Variants in ZFR2 observed in about 807,000 individuals in gnomAD.
ZFR2 encodes the protein zinc finger RNA binding protein 2.
ZFR2 carries 104 observed loss-of-function variants against 105.7 expected under a neutral mutation model. That is an observed-to-expected ratio of 0.98 (90% confidence interval 0.84 to 1.16). The LOEUF is 1.16. ZFR2 is among the 50% of genes most tolerant of loss of function. ZFR2 has a pLI of 0.00. For synonymous variants in ZFR2, 634 were observed against 597.7 expected (o/e 1.06, Z -0.89); for missense variants, 1,425 against 1,355.5 (o/e 1.05, Z -0.80).
At chr19:3,841,220 C>T (rs990382830) in intron 1 of ZFR2, among the ~76,000 whole-genome samples, 1 of 152,234 alleles carries the variant, frequency 6.6e-6, no homozygotes, top group Non-Finnish European at 1.5e-5. Flanking sequence ...AAGACCACCC[C>T]CTTCGCAAAC....
chr19:3,807,035 C>G, intron 18 of ZFR2, 137 bp downstream of exon 18: 3 of 673,152 alleles, frequency 4.5e-6, no homozygotes, highest in Non-Finnish European at 4.9e-6. Context: ...CTGCCACCCA[C>G]GGGCCGCCCT....
At chr19:3,845,584 G>T (rs1478851603) in intron 1 of ZFR2, among the ~76,000 whole-genome samples, 1 of 151,082 alleles carries the variant, frequency 6.6e-6, no homozygotes. Context: ...TTGAGCCCAG[G>T]AGTTTGAGGC....
chr19:3,825,211 C>A lies in ZFR2; in HGVS notation c.1213+19G>T. The A allele has an allele frequency of 6.7e-7, 1 of 1,494,864 alleles. No individual in the cohort carries two copies. Among genetic ancestry groups the A allele is most frequent in the Non-Finnish European group, 8.9e-7 (1 of 1,128,990 alleles). The allele number at this position is 1,494,864 out of a possible 1,614,324, so 92.6% of individuals were successfully genotyped here. ...CAGGGCTCTGGTGGGTACACGAACA[C>A]GCATACAGACACACGTACCCTCGCA... On this transcript the variant is annotated intron_variant, in intron 7 of 18. Transcript: ENST00000262961.
intron 16 of ZFR2, among the ~76,000 whole-genome samples, chr19:3,810,486 C>T (rs566548380): frequency 1.3e-5 from 2 of 152,258 alleles, no homozygotes; most frequent in Admixed American, 6.5e-5. Context: ...GCCACGAAGT[C>T]GGGCAGACAC....
At chr19:3,847,312 C>T (rs1038915250) in intron 1 of ZFR2, among the ~76,000 whole-genome samples, 2 of 152,008 alleles carry the variant, frequency 1.3e-5, no homozygotes, top group African/African-American at 2.4e-5. Flanking sequence ...TCGCTTAAGC[C>T]CAGGGGTTCT....
At chr19:3,844,300 A>G (rs542902792) in intron 1 of ZFR2, among the ~76,000 whole-genome samples, 1 of 152,282 alleles carries the variant, frequency 6.6e-6, no homozygotes, top group East Asian at 1.9e-4. Context: ...TAATGTTAAT[A>G]GAAATTTCTG....
intron 6 of ZFR2, 77 bp from the exon 7 acceptor site, chr19:3,825,484 C>T: frequency 6.7e-7 from 1 of 1,503,690 alleles, no homozygotes; most frequent in Non-Finnish European, 8.8e-7. Context: ...CAGGAAGGGC[C>T]TCCACGGGCG....
At chr19:3,851,104 G>T (rs116657233) in intron 1 of ZFR2, among the ~76,000 whole-genome samples, 1 of 152,050 alleles carries the variant, frequency 6.6e-6, no homozygotes, top group Non-Finnish European at 1.5e-5. Flanking sequence ...TCAGTCTGTG[G>T]TATTGTTAGG....
rs2037673724 is a variant in ZFR2, at chr19:3,804,087, G to C, written c.*1862C>G. ...CCAGGTAGCTCTACAAAGACATTCA[G>C]ACAGAGCCACATGCAGGCTGTCCTT... On this transcript the variant is annotated 3_prime_UTR_variant, in exon 19 of 19. Coordinates refer to ENST00000262961, the MANE Select transcript of ZFR2 (RefSeq NM_015174.2). The C allele has an allele frequency of 6.6e-6, 1 of 152,324 alleles. No individual in the cohort carries two copies. The highest frequency in any genetic ancestry group is 1.5e-5 in the Non-Finnish European group (1 of 68,156). The allele number at this position is 152,324 out of a possible 1,614,324, so 9.4% of individuals were successfully genotyped here. A position where few individuals can be genotyped will look rare whatever the true frequency, so the allele number is the denominator to read the frequency against.
intron 1 of ZFR2, among the ~76,000 whole-genome samples, chr19:3,842,627 C>CT (rs35716661): frequency 0.017 from 2,408 of 142,024 alleles, 23 homozygotes; most frequent in Middle Eastern, 0.029. Flanking sequence ...TTTCTTTTTT[C>CT]TTTTTTTTTT....
intron 3 of ZFR2, among the ~76,000 whole-genome samples, chr19:3,832,324 A>AT (rs2038026154): frequency 6.6e-6 from 1 of 151,002 alleles, no homozygotes; most frequent in African/African-American, 2.4e-5. Flanking sequence ...TATCATTATT[A>AT]TTATTTTTTT....
intron 1 of ZFR2, among the ~76,000 whole-genome samples, chr19:3,853,334 G>T (rs2038262004): frequency 6.6e-6 from 1 of 152,168 alleles, no homozygotes; most frequent in East Asian, 1.9e-4. Context: ...GAAAGCTGTG[G>T]CCTCCCGCCC....
intron 8 of ZFR2, 149 bp from the exon 9 acceptor site, chr19:3,822,349 C>T: frequency 7.4e-7 from 1 of 1,345,964 alleles, no homozygotes; most frequent in African/African-American, 1.4e-5. Context: ...GCTGTGTCAC[C>T]CAAGCTGGAG....
chr19:3,868,840 G>T (rs1341517114), intron 1 of ZFR2, 125 bp downstream of exon 1: 7 of 820,582 alleles, frequency 8.5e-6, no homozygotes, highest in Non-Finnish European at 9.9e-6. Context: ...CCTCAGGCCG[G>T]GGTTCCAGGT....
Position 3,840,568 on chromosome 19 carries a change from C to T in ZFR2, c.54-5585G>A, listed in dbSNP as rs371077313. Among the ~76,000 whole-genome samples, 385 of 152,074 alleles carry T rather than the reference C, an allele frequency of 2.5e-3. 2 individuals are homozygous for T. The highest frequency in any genetic ancestry group is 8.8e-3 in the African/African-American group (365 of 41,506). ...TTTTAGATATGAGGTCTTGCTCTGT[C>T]GCTCAGGCTGGAGTGTAGTGACGTG... On this transcript the variant is annotated intron_variant, in intron 1 of 18. Coordinates refer to ENST00000262961, the MANE Select transcript of ZFR2 (RefSeq NM_015174.2).
At chr19:3,845,953 T>C (rs2038180466) in intron 1 of ZFR2, among the ~76,000 whole-genome samples, 1 of 152,098 alleles carries the variant, frequency 6.6e-6, no homozygotes, top group Non-Finnish European at 1.5e-5. Flanking sequence ...ATGTCCATAA[T>C]ACACTGAAAT....
intron 1 of ZFR2, among the ~76,000 whole-genome samples, chr19:3,844,430 C>T (rs1370264121): frequency 2.0e-5 from 3 of 151,734 alleles, no homozygotes; most frequent in East Asian, 3.9e-4. Flanking sequence ...TGCAGTGGTG[C>T]GATCTCGGCT....
intron 5 of ZFR2, 84 bp downstream of exon 5, chr19:3,831,219 C>A: frequency 1.4e-6 from 2 of 1,429,528 alleles, no homozygotes; most frequent in Non-Finnish European, 1.8e-6. Context: ...CGACCCTGAC[C>A]ACCCCACCGG....
chr19:3,856,004 T>C (rs2038295440), intron 1 of ZFR2, among the ~76,000 whole-genome samples: 2 of 152,178 alleles, frequency 1.3e-5, no homozygotes, highest in Non-Finnish European at 1.5e-5. Context: ...TGGGGCCTCT[T>C]TGGCGCTGTG....
Sources: gnomAD v4.1 joint callset for allele counts (sites outside exome capture counted in the v4.1 genomes callset) on GRCh38, gnomAD v4.1.1 for gene constraint, MANE v1.5 for transcripts, NCBI Gene and HGNC (gene_info 2026-07-23, HGNC 2026-07-21) for gene names.